The following ACBD6 variants were observed in gnomAD, a reference collection of about 807,000 sequenced individuals.
ACBD6 encodes acyl-CoA-binding domain-containing protein 6.
In ACBD6, 28 loss-of-function variants were observed where a neutral mutation model predicts 37.2. That is an observed-to-expected ratio of 0.75 (90% confidence interval 0.56 to 1.03). ACBD6 has a LOEUF of 1.03. ACBD6 is among the 50% of genes least tolerant of loss of function. The probability of loss-of-function intolerance (pLI) is 0.00; values close to 1 mark genes in which losing one functional copy is unlikely to be tolerated. For missense variants in ACBD6, 340 were observed against 337.4 expected, an observed-to-expected ratio of 1.01 and a Z score of -0.06; for synonymous variants, 113 against 126.8, an observed-to-expected ratio of 0.89 and a Z score of 0.73.
intron 6 of ACBD6, among the ~76,000 whole-genome samples, chr1:180,318,161 C>A (rs1650890090): frequency 2.3e-5 from 1 of 42,658 alleles, no homozygotes; most frequent in Admixed American, 2.0e-4. Flanking sequence ...GATTCCATCT[C>A]CGCCCCCCCC....
At chr1:180,354,997 T>G (rs79045439) in intron 6 of ACBD6, among the ~76,000 whole-genome samples, 2,986 of 152,326 alleles carry the variant, frequency 0.02, 96 homozygotes, top group African/African-American at 0.067. Flanking sequence ...AATACCTTAT[T>G]TTGTATACCT....
intron 5 of ACBD6, among the ~76,000 whole-genome samples, chr1:180,398,766 G>T (rs973211241): frequency 1.3e-5 from 2 of 152,170 alleles, no homozygotes; most frequent in African/African-American, 4.8e-5. Flanking sequence ...ATAAATGAGT[G>T]ATGCATGGCT....
intron 3 of ACBD6, among the ~76,000 whole-genome samples, chr1:180,480,888 G>A (rs1651009679): frequency 1.3e-5 from 2 of 151,962 alleles, no homozygotes; most frequent in African/African-American, 4.8e-5. Flanking sequence ...AAAATTAACT[G>A]GGCATGGTGG....
rs994604996 is a variant in ACBD6, at chr1:180,399,613, A to G, written c.574-2008T>C. 4.2e-4 allele frequency among the ~76,000 whole-genome samples: 64 copies of G among 152,214 alleles called. 3 individuals are homozygous for G. The highest frequency in any genetic ancestry group is 4.4e-5 in the Non-Finnish European group (3 of 68,036). On this transcript the variant is annotated intron_variant, in intron 5 of 7. Transcript: ENST00000367595. Reference sequence around the variant, plus strand: ...GACAATTCTAAAAGTCCAGGTGAAAATGTATTGTTGAGTTCTAGAGCAGTT... The same window carrying G: ...GACAATTCTAAAAGTCCAGGTGAAAGTGTATTGTTGAGTTCTAGAGCAGTT...
At chr1:180,350,238 T>TGC (rs987746691) in intron 6 of ACBD6, among the ~76,000 whole-genome samples, 1 of 152,134 alleles carries the variant, frequency 6.6e-6, no homozygotes, top group African/African-American at 2.4e-5. Flanking sequence ...CTCACTATGT[T>TGC]GCTCAGGCTG....
intron 3 of ACBD6, among the ~76,000 whole-genome samples, chr1:180,464,093 CATT>C (rs1271473781): frequency 6.6e-6 from 1 of 152,172 alleles, no homozygotes; most frequent in Non-Finnish European, 1.5e-5. Flanking sequence ...CCACAGCCAA[CATT>C]ATACTAACTG....
chr1:180,358,233 C>G (rs1264132724), intron 6 of ACBD6, among the ~76,000 whole-genome samples: 6 of 152,116 alleles, frequency 3.9e-5, no homozygotes, highest in African/African-American at 1.4e-4. Context: ...TCAAGACCAG[C>G]CTGATCAACA....
rs1198679456 is a variant in ACBD6, at chr1:180,434,654, T to C, written c.385-4392A>G. On this transcript the variant is annotated intron_variant, in intron 3 of 7. Coordinates refer to ENST00000367595, the MANE Select transcript of ACBD6 (RefSeq NM_032360.4). ...CAACCAACTGCCAATCAGAAAATCT[T>C]TGAATCTACCTATGATAAGTCACTG... The C allele has an allele frequency of 2.6e-5, 9 of 349,836 alleles. No homozygotes were observed. In the East Asian group the frequency reaches 3.4e-4, roughly 13 times the overall value. The allele number at this position is 349,836 out of a possible 1,614,324, so 21.7% of individuals were successfully genotyped here. A position where few individuals can be genotyped will look rare whatever the true frequency, so the allele number is the denominator to read the frequency against.
chr1:180,406,812 T>C (rs1445918212), intron 5 of ACBD6, among the ~76,000 whole-genome samples: 4 of 152,152 alleles, frequency 2.6e-5, no homozygotes, highest in Non-Finnish European at 5.9e-5. Context: ...AGGGAATCAG[T>C]AGGGAAATAT....
intron 5 of ACBD6, among the ~76,000 whole-genome samples, chr1:180,410,226 AACATAAAAGT>A (rs1647799503): frequency 6.6e-6 from 1 of 152,242 alleles, no homozygotes; most frequent in South Asian, 2.1e-4. Context: ...CCATCTCCAT[AACATAAAAGT>A]ACAAGGTGAA....
intron 3 of ACBD6, among the ~76,000 whole-genome samples, chr1:180,467,448 CAAAAAAA>C (rs57941230): frequency 2.2e-4 from 16 of 72,540 alleles, no homozygotes; most frequent in Admixed American, 9.7e-4. Context: ...TCCATCTCTG[CAAAAAAA>C]AAAAAAAAAA....
At chr1:180,353,664 C>A in intron 6 of ACBD6, among the ~76,000 whole-genome samples, 1 of 149,960 alleles carries the variant, frequency 6.7e-6, no homozygotes, top group East Asian at 2.0e-4. Flanking sequence ...TTCCCATAAT[C>A]TATATTAAAA....
intron 3 of ACBD6, among the ~76,000 whole-genome samples, chr1:180,433,179 A>C (rs900566171): frequency 1.3e-5 from 2 of 152,210 alleles, no homozygotes; most frequent in African/African-American, 4.8e-5. Flanking sequence ...ATTACGTTAA[A>C]AGGATTATAC....
intron 6 of ACBD6, among the ~76,000 whole-genome samples, chr1:180,330,681 A>G (rs937055248): frequency 2.0e-5 from 3 of 152,100 alleles, no homozygotes; most frequent in African/African-American, 7.2e-5. Context: ...AAGGCAACTG[A>G]TCAAATGTAC....
chr1:180,349,256 A>C (rs1032014303), intron 6 of ACBD6, among the ~76,000 whole-genome samples: 1 of 124,886 alleles, frequency 8.0e-6, no homozygotes, highest in Non-Finnish European at 1.6e-5. Flanking sequence ...ATAAATAAAA[A>C]ATTTTAATTT....
At chr1:180,423,986 A>G (rs1179360133) in intron 4 of ACBD6, among the ~76,000 whole-genome samples, 1 of 152,210 alleles carries the variant, frequency 6.6e-6, no homozygotes, top group Non-Finnish European at 1.5e-5. Flanking sequence ...CTCCAATTTT[A>G]CCAGGAAAGT....
At chr1:180,437,000 G>C (rs1649065040) in intron 3 of ACBD6, among the ~76,000 whole-genome samples, 1 of 152,076 alleles carries the variant, frequency 6.6e-6, no homozygotes. Context: ...TCTCCTTAAA[G>C]GATATAAAAT....
chr1:180,404,028 G>A lies in ACBD6; in HGVS notation c.574-6423C>T, dbSNP rs1366043978. On this transcript the variant is annotated intron_variant, in intron 5 of 7. Transcript: ENST00000367595. ...TGCAGTGGTGCGATCTCAGCTCACT[G>A]CAACCTCCACCTCCTGGGTTCAAGA... 3.3e-5 allele frequency among the ~76,000 whole-genome samples: 5 copies of A among 152,026 alleles called. No homozygotes were observed. The East Asian group carries it at 9.6e-4, about 29-fold the overall frequency.
chr1:180,480,313 A>G (rs1183857530), intron 3 of ACBD6, among the ~76,000 whole-genome samples: 1 of 152,198 alleles, frequency 6.6e-6, no homozygotes, highest in East Asian at 1.9e-4. Context: ...ATATATTAAG[A>G]AAGAGGCAGT....
Sources: gnomAD v4.1 joint callset for allele counts (sites outside exome capture counted in the v4.1 genomes callset) on GRCh38, gnomAD v4.1.1 for gene constraint, MANE v1.5 for transcripts, NCBI Gene and HGNC (gene_info 2026-07-23, HGNC 2026-07-21) for gene names.